FSD1L: variants seen among roughly 807,000 people sequenced by gnomAD.
The protein encoded by FSD1L is FSD1-like protein.
FSD1L carries 45 observed loss-of-function variants against 71.6 expected under a neutral mutation model. The ratio of observed to expected loss-of-function variants is 0.63; its 90% CI spans 0.49 to 0.81. The LOEUF (loss-of-function observed/expected upper bound fraction) is 0.81, where lower values mean the gene tolerates loss of function less well. Among genes scored for constraint, FSD1L ranks in the 30% least tolerant of loss-of-function variants. The pLI is 0.00. For missense variants in FSD1L, 561 were observed against 618.1 expected, an observed-to-expected ratio of 0.91 and a Z score of 0.98; for synonymous variants, 197 against 207.2, an observed-to-expected ratio of 0.95 and a Z score of 0.42.
chr9:105,541,073 G>A (rs1836580844), intron 13 of FSD1L, among the ~76,000 whole-genome samples: 1 of 151,998 alleles, frequency 6.6e-6, no homozygotes, highest in South Asian at 2.1e-4. Flanking sequence ...CAACTATAAG[G>A]AGAAAGTTTT....
In FSD1L at chr9:105,512,951, T is replaced by C; in HGVS notation, c.1025+15T>C. 6.7e-7 allele frequency: 1 copy of C among 1,502,004 alleles called. No homozygotes were observed. The highest frequency in any genetic ancestry group is 8.9e-7 in the Non-Finnish European group (1 of 1,129,258). 93.0% of individuals were successfully genotyped at this position (1,502,004 alleles called of 1,614,324 possible). A position where few individuals can be genotyped will look rare whatever the true frequency, so the allele number is the denominator to read the frequency against. ...AACAAGGGCAGGTAAGCTAGACCAT[T>C]AAATCTGCCATATGGACAAATGCTT... On this transcript the variant is annotated intron_variant, in intron 10 of 13. Transcript: ENST00000481272.
In FSD1L at chr9:105,474,056, G is replaced by A. The variant is rs1312055215; in HGVS notation, c.441+2051G>A. 2.6e-5 allele frequency among the ~76,000 whole-genome samples: 4 copies of A among 152,138 alleles called. No individual in the cohort carries two copies. The East Asian group carries it at 5.8e-4, about 22-fold the overall frequency. On this transcript the variant is annotated intron_variant, in intron 5 of 13. Coordinates refer to ENST00000481272, the MANE Select transcript of FSD1L (RefSeq NM_001145313.3). ...GAATTACAACCATGTGTCGCTTAAC[G>A]AGGATGTCTTCTAAGAAATGTATCA...
chr9:105,540,182 G>A (rs948352072), intron 13 of FSD1L, among the ~76,000 whole-genome samples: 1 of 152,070 alleles, frequency 6.6e-6, no homozygotes, highest in African/African-American at 2.4e-5. Flanking sequence ...CCTTCTAGTG[G>A]ATGATATATT....
intron 6 of FSD1L, among the ~76,000 whole-genome samples, chr9:105,481,192 T>TGG (rs1345671444): frequency 1.4e-5 from 2 of 139,662 alleles, no homozygotes; most frequent in African/African-American, 5.4e-5. Flanking sequence ...TCTTTTTTTT[T>TGG]TTTTTTTTTT....
At chr9:105,543,653 A>G (rs1193939897) in intron 13 of FSD1L, among the ~76,000 whole-genome samples, 1 of 151,652 alleles carries the variant, frequency 6.6e-6, no homozygotes, top group Non-Finnish European at 1.5e-5. Flanking sequence ...TTCATTGTTC[A>G]GTTCCCACCT....
At chr9:105,466,914 GA>G (rs934967159) in intron 3 of FSD1L, among the ~76,000 whole-genome samples, 1 of 150,958 alleles carries the variant, frequency 6.6e-6, no homozygotes, top group Non-Finnish European at 1.5e-5. Flanking sequence ...CTTAACGTTA[GA>G]AAAAAAAAGT....
chr9:105,489,533 T>G (rs1284178637), intron 7 of FSD1L, among the ~76,000 whole-genome samples: 1 of 152,166 alleles, frequency 6.6e-6, no homozygotes, highest in Non-Finnish European at 1.5e-5. Flanking sequence ...CTTCTAAGTT[T>G]TAGGGTACAT....
Position 105,472,094 on chromosome 9 carries a change from A to G in FSD1L, c.441+89A>G, listed in dbSNP as rs115903796. On this transcript the variant is annotated intron_variant, in intron 5 of 13. Transcript: ENST00000481272. The stretch of plus-strand genomic sequence containing the variant: ...TTTTTCTTTAGTTTTGGATTTCTTT[A>G]CTGATTTCTAATACTAATAAAGCCT... The G allele has an allele frequency of 1.2e-3, 1,626 of 1,325,566 alleles. 21 individuals are homozygous for G. In the African/African-American group the frequency reaches 0.022, roughly 18 times the overall value. The allele number at this position is 1,325,566 out of a possible 1,614,324, so 82.1% of individuals were successfully genotyped here. A position where few individuals can be genotyped will look rare whatever the true frequency, so the allele number is the denominator to read the frequency against.
chr9:105,453,743 CAT>C (rs1015706486), intron 1 of FSD1L, among the ~76,000 whole-genome samples: 1 of 152,004 alleles, frequency 6.6e-6, no homozygotes, highest in African/African-American at 2.4e-5. Context: ...AAAATTTTAA[CAT>C]AGTGCTTGTT....
chr9:105,525,024 C>T, intron 10 of FSD1L: 1 of 1,575,258 alleles, frequency 6.3e-7, no homozygotes, highest in South Asian at 1.2e-5. Context: ...CTTGCATCAG[C>T]CAATTCAAAT....
At chr9:105,519,183 G>C (rs1221147887) in intron 10 of FSD1L, among the ~76,000 whole-genome samples, 1 of 152,140 alleles carries the variant, frequency 6.6e-6, no homozygotes, top group African/African-American at 2.4e-5. Flanking sequence ...ACCAAAAAAA[G>C]TCCAGGACCA....
chr9:105,481,934 C>T (rs558660477), intron 6 of FSD1L, among the ~76,000 whole-genome samples: 3 of 151,860 alleles, frequency 2.0e-5, no homozygotes, highest in Non-Finnish European at 2.9e-5. Context: ...CACCATGCCC[C>T]GTTAATTTTT....
intron 7 of FSD1L, among the ~76,000 whole-genome samples, chr9:105,496,005 T>G (rs1240304140): frequency 6.6e-6 from 1 of 151,732 alleles, no homozygotes; most frequent in African/African-American, 2.4e-5. Flanking sequence ...TTCTGTGTAG[T>G]CCTTATCAGA....
At chr9:105,469,646 C>T (rs1316439266) in intron 4 of FSD1L, among the ~76,000 whole-genome samples, 2 of 150,270 alleles carry the variant, frequency 1.3e-5, no homozygotes, top group African/African-American at 4.9e-5. Flanking sequence ...TGTTAAGTTG[C>T]AGCAGTTTTC....
At chr9:105,470,433 T>C (rs1160003239) in intron 4 of FSD1L, among the ~76,000 whole-genome samples, 1 of 152,194 alleles carries the variant, frequency 6.6e-6, no homozygotes, top group Non-Finnish European at 1.5e-5. Context: ...TTTAGCATTG[T>C]ATTGTAGTTT....
chr9:105,505,473 C>T (rs753189265), intron 7 of FSD1L, among the ~76,000 whole-genome samples: 1 of 152,174 alleles, frequency 6.6e-6, no homozygotes, highest in Non-Finnish European at 1.5e-5. Context: ...GTTGGTCAGG[C>T]TGGTCTCGAA....
chr9:105,527,713 AAAAAG>A (rs955901070), intron 10 of FSD1L, among the ~76,000 whole-genome samples: 4 of 151,668 alleles, frequency 2.6e-5, no homozygotes, highest in African/African-American at 9.7e-5. Context: ...ATCAAAAAAA[AAAAAG>A]AAAAGAAAAC....
At chr9:105,463,724 G>T (rs1830870895) in intron 2 of FSD1L, among the ~76,000 whole-genome samples, 1 of 152,118 alleles carries the variant, frequency 6.6e-6, no homozygotes, top group Non-Finnish European at 1.5e-5. Flanking sequence ...ATTTATTATA[G>T]TTCTACAGCA....
At position 105,506,516 on chromosome 9, in the gene FSD1L, G is replaced by A. The variant is rs1834060784; in HGVS notation, c.704G>A (p.Arg235Lys). The A allele has an allele frequency of 1.9e-6, 3 of 1,551,396 alleles. No homozygotes were observed. Among genetic ancestry groups the A allele is most frequent in the East Asian group, 4.9e-5 (2 of 40,878 alleles). The change falls in exon 8 of 14, where the codon AGG becomes AAG. Residue 235 changes from arginine to lysine, a missense_variant. By Grantham distance (26) the Arg-to-Lys change is conservative. Around this residue, in one of 3 missense-constraint regions of FSD1L, gnomAD observed 410 missense variants for 413.5 expected, o/e 0.99. Coordinates refer to ENST00000481272, the MANE Select transcript of FSD1L (RefSeq NM_001145313.3). ...ATTGACCATTTTATACTGGAACATA[G>A]GAAGACTAATTTTGATGGACTTCCA... Reference protein sequence around the residue: ...NKIDHFILEHRKTNFDGLPRV... With the variant: ...NKIDHFILEHKKTNFDGLPRV...
Sources: gnomAD v4.1 joint callset for allele counts (sites outside exome capture counted in the v4.1 genomes callset) on GRCh38, gnomAD v4.1.1 for gene constraint, gnomAD v4.1.1 regional missense constraint, MANE v1.5 for transcripts, NCBI Gene and HGNC (gene_info 2026-07-23, HGNC 2026-07-21) for gene names.